Variants in TRPC5OS observed in about 807,000 individuals in gnomAD.
TRPC5OS encodes putative uncharacterized protein TRPC5OS.
For synonymous variants in TRPC5OS, 30 were observed against 29.3 expected (o/e 1.02, Z -0.08); for missense variants, 64 against 79.3 (o/e 0.81, Z 0.73).
chrX:111,898,251 TTA>T (rs58112324), intron 3 of TRPC5OS, among the ~76,000 whole-genome samples: 11,391 of 92,131 alleles, frequency 0.12, 1,137 homozygotes, highest in African/African-American at 0.32. Context: ...GTAGGGGTTC[TTA>T]TATATATATA....
chrX:111,887,430 G>A (rs1924561741), intron 1 of TRPC5OS, among the ~76,000 whole-genome samples: 1 of 112,122 alleles, frequency 8.9e-6, no homozygotes, highest in Non-Finnish European at 1.9e-5. Context: ...CACTGGGTTA[G>A]TGGCACAAGC....
intron 1 of TRPC5OS, among the ~76,000 whole-genome samples, chrX:111,883,085 C>CAA (rs59699981): frequency 4.4e-5 from 2 of 45,153 alleles, no homozygotes; most frequent in African/African-American, 6.7e-5. Flanking sequence ...GACTCTGTCT[C>CAA]AAAAAAAAAA....
chrX:111,888,432 T>G (rs1313536148), intron 1 of TRPC5OS, among the ~76,000 whole-genome samples: 1 of 103,814 alleles, frequency 9.6e-6, no homozygotes, highest in African/African-American at 3.5e-5. Flanking sequence ...CCCAGAACTT[T>G]GGGAGGCCGA....
At chrX:111,879,295 G>A (rs909278861) in intron 1 of TRPC5OS, among the ~76,000 whole-genome samples, 3 of 112,029 alleles carry the variant, frequency 2.7e-5, no homozygotes, top group African/African-American at 6.5e-5. Context: ...GTTGACTCTC[G>A]TTCTTCAGGT....
intron 1 of TRPC5OS, among the ~76,000 whole-genome samples, chrX:111,893,722 TCTTTC>T (rs1195432768): frequency 1.8e-5 from 2 of 112,081 alleles, no homozygotes; most frequent in African/African-American, 6.5e-5. Context: ...GCTGCACAAT[TCTTTC>T]CTTTCTTTCT....
In TRPC5OS at chrX:111,888,693, C is replaced by CAAAA. The variant is rs753735549; in HGVS notation, c.-545-7235_-545-7232dup. On this transcript the variant is annotated intron_variant, in intron 1 of 3. Coordinates refer to ENST00000635763, the MANE Select transcript of TRPC5OS (RefSeq NM_001195578.2). Reference sequence around the variant, plus strand: ...TGGGTGACAGAGCGAGACTCTATCTCAAAAAAAAAAAAAAAAAAAAAAAAA... The same window carrying CAAAA: ...TGGGTGACAGAGCGAGACTCTATCTCAAAAAAAAAAAAAAAAAAAAAAAAAAAAA... Among the ~76,000 whole-genome samples, 105 of 10,951 alleles carry CAAAA rather than the reference C, an allele frequency of 9.6e-3. 8 individuals carry two copies. Among genetic ancestry groups the CAAAA allele is most frequent in the African/African-American group, 0.022 (99 of 4,488 alleles). 9.5% of individuals were successfully genotyped at this position (10,951 alleles called of 115,157 possible).
rs1332274703 is a variant in TRPC5OS at position 111,902,810 on chromosome X, G to A, written c.*625G>A. On this transcript the variant is annotated 3_prime_UTR_variant, in exon 4 of 4. Coordinates refer to ENST00000635763, the MANE Select transcript of TRPC5OS (RefSeq NM_001195578.2). ...TGTTGCCAAGGAGAAAACTGAAAAAGCTGGGACCAAGAGTTCCAGTGCAGG... is the reference window on the plus strand; with the variant it reads ...TGTTGCCAAGGAGAAAACTGAAAAAACTGGGACCAAGAGTTCCAGTGCAGG... The A allele has an allele frequency of 1.8e-5, 2 of 112,014 alleles. No homozygotes were observed. Among genetic ancestry groups the A allele is most frequent in the African/African-American group, 6.5e-5 (2 of 30,853 alleles). The allele number at this position is 112,014 out of a possible 1,213,427, so 9.2% of individuals were successfully genotyped here.
At chrX:111,885,081 A>T (rs968312949) in intron 1 of TRPC5OS, among the ~76,000 whole-genome samples, 4 of 112,865 alleles carry the variant, frequency 3.5e-5, no homozygotes, top group African/African-American at 9.6e-5. Flanking sequence ...AGCCTAGTCA[A>T]CTCAGTGAAG....
rs1371184460 is a variant in TRPC5OS at position 111,888,852 on chromosome X, T to C, written c.-545-7099T>C. On this transcript the variant is annotated intron_variant, in intron 1 of 3. Coordinates refer to ENST00000635763, the MANE Select transcript of TRPC5OS (RefSeq NM_001195578.2). Reference sequence around the variant, plus strand: ...CTCACAATGACAAGTGATCAGATTGTGGATATGTTTTAGTGGCAGAGCCAA... The same window carrying C: ...CTCACAATGACAAGTGATCAGATTGCGGATATGTTTTAGTGGCAGAGCCAA... Among the ~76,000 whole-genome samples, 5 of 111,115 alleles carry C rather than the reference T, an allele frequency of 4.5e-5. No homozygotes were observed. The East Asian group carries it at 1.1e-3, about 25-fold the overall frequency.
intron 3 of TRPC5OS, among the ~76,000 whole-genome samples, chrX:111,897,636 T>C (rs903787599): frequency 1.8e-5 from 2 of 111,916 alleles, no homozygotes; most frequent in African/African-American, 6.5e-5. Flanking sequence ...TCATACAGCA[T>C]ATAATCTTTT....
chrX:111,896,202 A>G (rs1487329727), intron 2 of TRPC5OS, 106 bp downstream of exon 2: 1 of 110,619 alleles, frequency 9.0e-6, no homozygotes, highest in Non-Finnish European at 1.9e-5. Flanking sequence ...TCCTCAGGAG[A>G]GTCCTTCTGC....
At chrX:111,876,345 G>C (rs918291786) in intron 1 of TRPC5OS, 72 bp downstream of exon 1, 2 of 111,677 alleles carry the variant, frequency 1.8e-5, no homozygotes, top group Non-Finnish European at 3.8e-5. Flanking sequence ...AAGTTTTCCT[G>C]AGAGAGGAAA....
intron 1 of TRPC5OS, among the ~76,000 whole-genome samples, chrX:111,879,202 T>C (rs1182828417): frequency 8.9e-6 from 1 of 111,932 alleles, no homozygotes; most frequent in South Asian, 3.8e-4. Flanking sequence ...GGCCAGAGAA[T>C]GGAGACATCA....
At chrX:111,899,045 T>C (rs1331723074) in intron 3 of TRPC5OS, among the ~76,000 whole-genome samples, 1 of 110,827 alleles carries the variant, frequency 9.0e-6, no homozygotes, top group Non-Finnish European at 1.9e-5. Flanking sequence ...TGCCACACTC[T>C]TACTCTTTCT....
intron 1 of TRPC5OS, among the ~76,000 whole-genome samples, chrX:111,882,983 G>A (rs1924298392): frequency 1.8e-5 from 2 of 110,058 alleles, no homozygotes; most frequent in South Asian, 7.8e-4. Flanking sequence ...CTACTCAGGA[G>A]GCTGAGGCAG....
At chrX:111,898,853 C>G (rs1478663590) in intron 3 of TRPC5OS, among the ~76,000 whole-genome samples, 1 of 109,836 alleles carries the variant, frequency 9.1e-6, no homozygotes, top group South Asian at 4.0e-4. Flanking sequence ...CAGAATGACA[C>G]GAAATCATTC....
rs1303554161 is a variant in TRPC5OS at position 111,903,553 on chromosome X, A to T, written c.*1368A>T. The T allele has an allele frequency of 2.7e-5, 3 of 112,479 alleles. No homozygotes were observed. The highest frequency in any genetic ancestry group is 3.8e-5 in the Non-Finnish European group (2 of 53,295). The allele number at this position is 112,479 out of a possible 1,213,427, so 9.3% of individuals were successfully genotyped here. A position where few individuals can be genotyped will look rare whatever the true frequency, so the allele number is the denominator to read the frequency against. ...TGAAAGCTCAATTAGATGGAGAATT[A>T]TTAACTAGTTTAGTCCACTGACTGG... On this transcript the variant is annotated 3_prime_UTR_variant, in exon 4 of 4. Transcript: ENST00000635763.
chrX:111,881,141 C>A (rs60746150), intron 1 of TRPC5OS, among the ~76,000 whole-genome samples: 1,646 of 97,189 alleles, frequency 0.017, 28 homozygotes, highest in African/African-American at 0.08. Context: ...TTGTGATTTT[C>A]TTTTGTTTAT....
chrX:111,890,200 G>A (rs1320200418), intron 1 of TRPC5OS, among the ~76,000 whole-genome samples: 1 of 112,270 alleles, frequency 8.9e-6, no homozygotes, highest in East Asian at 2.8e-4. Flanking sequence ...TATTTACATT[G>A]TGTAAGGTAT....
Sources: allele counts gnomAD v4.1 joint callset (sites outside exome capture counted in the v4.1 genomes callset), GRCh38; gene constraint gnomAD v4.1.1; transcripts MANE v1.5; gene names NCBI Gene and HGNC (gene_info 2026-07-23, HGNC 2026-07-21).